LARP4B: variants seen among roughly 807,000 people sequenced by gnomAD.
LARP4B encodes La ribonucleoprotein 4B, also known as la-related protein 4B.
In LARP4B, 12 loss-of-function variants were observed where a neutral mutation model predicts 89.8. The ratio of observed to expected loss-of-function variants is 0.13; its 90% confidence interval spans 0.09 to 0.22. The LOEUF (loss-of-function observed/expected upper bound fraction) is 0.22. LARP4B is among the 10% of genes least tolerant of loss of function. LARP4B has a pLI of 1.00. For missense variants in LARP4B, 757 were observed against 947.7 expected (o/e 0.80, Z 2.64); for synonymous variants, 367 against 363.3 (o/e 1.01, Z -0.12).
At chr10:826,549 G>T (rs2131641435) in intron 11 of LARP4B, among the ~76,000 whole-genome samples, 1 of 152,288 alleles carries the variant, frequency 6.6e-6, no homozygotes, top group Non-Finnish European at 1.5e-5. Flanking sequence ...TTAAAATCTA[G>T]ACACATACAA....
At chr10:978,121 G>A in the LARP4B span, among the ~76,000 whole-genome samples, 1 of 152,184 alleles carries the variant, frequency 6.6e-6, no homozygotes, top group Non-Finnish European at 1.5e-5. Context: ...TTCTTCATCA[G>A]TCTTGCCCCA....
chr10:817,949 G>T, intron 14 of LARP4B, 60 bp from the exon 15 acceptor site: 3 of 1,496,512 alleles, frequency 2.0e-6, no homozygotes, highest in Non-Finnish European at 2.8e-6. Flanking sequence ...GCAGCTTCTC[G>T]TTTCCACACC....
chr10:962,298 CA>C, the LARP4B span, among the ~76,000 whole-genome samples: 5,202 of 60,644 alleles, frequency 0.086, 96 homozygotes, highest in African/African-American at 0.18. Context: ...ACTCCATCTC[CA>C]AAAAAAAAAA....
intron 3 of LARP4B, among the ~76,000 whole-genome samples, chr10:868,053 G>A (rs1835006109): frequency 6.6e-6 from 1 of 151,708 alleles, no homozygotes; most frequent in Admixed American, 6.6e-5. Flanking sequence ...ACCCCATCCT[G>A]TGCGAAACAA....
At chr10:885,227 C>G (rs947668328) in intron 2 of LARP4B, among the ~76,000 whole-genome samples, 1 of 152,154 alleles carries the variant, frequency 6.6e-6, no homozygotes, top group African/African-American at 2.4e-5. Flanking sequence ...CAAGAAAAAC[C>G]TGAACACAAC....
chr10:858,556 AC>A (rs1834426362), intron 5 of LARP4B, among the ~76,000 whole-genome samples: 1 of 152,242 alleles, frequency 6.6e-6, no homozygotes, highest in Admixed American at 6.5e-5. Context: ...AACATTATGA[AC>A]ATTTTAAATT....
the LARP4B span, among the ~76,000 whole-genome samples, chr10:959,383 C>T: frequency 7.2e-6 from 1 of 138,620 alleles, no homozygotes; most frequent in African/African-American, 2.9e-5. Context: ...CTCATCAATC[C>T]CACCTCCTCA....
chr10:976,036 CGTGTGG>C, the LARP4B span, among the ~76,000 whole-genome samples: 1 of 84,154 alleles, frequency 1.2e-5, no homozygotes, highest in Admixed American at 1.4e-4. Flanking sequence ...TGTCGTGCAA[CGTGTGG>C]ACCCGGCCTA....
At chr10:920,243 C>T (rs1836942957) in intron 1 of LARP4B, among the ~76,000 whole-genome samples, 1 of 152,236 alleles carries the variant, frequency 6.6e-6, no homozygotes. Flanking sequence ...CTGTCACCAA[C>T]TAGCCAGCTG....
chr10:845,220 C>A (rs749495074), intron 5 of LARP4B, among the ~76,000 whole-genome samples, 165 bp from the exon 6 acceptor site: 1 of 151,946 alleles, frequency 6.6e-6, no homozygotes, highest in Middle Eastern at 3.2e-3. Context: ...GTAAATCATG[C>A]AAAAAAACCT....
chr10:974,657 G>C, the LARP4B span, among the ~76,000 whole-genome samples: 2 of 152,332 alleles, frequency 1.3e-5, no homozygotes, highest in African/African-American at 2.4e-5. Flanking sequence ...AATGAGGCCA[G>C]GCCACTGGTC....
chr10:950,609 T>C, the LARP4B span, among the ~76,000 whole-genome samples: 1 of 152,220 alleles, frequency 6.6e-6, no homozygotes, highest in Admixed American at 6.5e-5. Flanking sequence ...TTTGCTATAA[T>C]GAGTCTTCCA....
the LARP4B span, among the ~76,000 whole-genome samples, chr10:942,977 C>T: frequency 7.6e-4 from 113 of 148,444 alleles, no homozygotes; most frequent in African/African-American, 2.7e-3. Context: ...GACAGAGTCT[C>T]ACTCTGTCAC....
chr10:847,806 G>A (rs750637869), intron 5 of LARP4B, among the ~76,000 whole-genome samples: 10 of 152,170 alleles, frequency 6.6e-5, no homozygotes, highest in Non-Finnish European at 1.2e-4. Flanking sequence ...TGGGATTCCA[G>A]GCGTGAGCCA....
chr10:850,316 T>C (rs192573516), intron 5 of LARP4B, among the ~76,000 whole-genome samples: 76 of 152,222 alleles, frequency 5.0e-4, no homozygotes, highest in African/African-American at 1.4e-3. Context: ...CACAAATAGC[T>C]TAAAGTAAAA....
the LARP4B span, among the ~76,000 whole-genome samples, chr10:978,432 A>T: frequency 6.6e-6 from 1 of 152,148 alleles, no homozygotes; most frequent in Non-Finnish European, 1.5e-5. Context: ...TAGCTACCAT[A>T]TTATTTGTGG....
chr10:882,206 T>G lies in LARP4B; in HGVS notation c.141+2241A>C, dbSNP rs74369305. Among the ~76,000 whole-genome samples the G allele has an allele frequency of 3.2e-3, 491 of 152,226 alleles. 2 individuals carry two copies. The highest frequency in any genetic ancestry group is 0.011 in the African/African-American group (474 of 41,514). ...ATCTACTAAAAATAATTCAATTGCA[T>G]ACTTTAAATGGGTGAGTTTTACAGA... is the stretch of plus-strand genomic sequence containing the variant. On this transcript the variant is annotated intron_variant, in intron 3 of 17. Coordinates refer to ENST00000316157, the MANE Select transcript of LARP4B (RefSeq NM_015155.3).
chr10:828,750 A>T (rs1376797323), intron 11 of LARP4B, among the ~76,000 whole-genome samples: 7 of 152,148 alleles, frequency 4.6e-5, no homozygotes, highest in Non-Finnish European at 1.0e-4. Flanking sequence ...TCTCAACTAG[A>T]CTTCAGCTTC....
chr10:900,241 G>A (rs939503028), intron 1 of LARP4B, among the ~76,000 whole-genome samples: 1 of 151,922 alleles, frequency 6.6e-6, no homozygotes, highest in African/African-American at 2.4e-5. Flanking sequence ...CAGCTACTGG[G>A]GAGGCTGAGG....
Sources: gnomAD v4.1 joint callset for allele counts (sites outside exome capture counted in the v4.1 genomes callset) on GRCh38, gnomAD v4.1.1 for gene constraint, MANE v1.5 for transcripts, NCBI Gene and HGNC (gene_info 2026-07-23, HGNC 2026-07-21) for gene names.